Variants in SYT1 observed in about 807,000 individuals in gnomAD.
SYT1 encodes synaptotagmin-1.
SYT1 carries 8 observed loss-of-function variants against 44.8 expected under a neutral mutation model. That is an observed-to-expected ratio of 0.18 (90% CI 0.10 to 0.32). The LOEUF is 0.32. Among genes scored for constraint, SYT1 ranks in the 10% least tolerant of loss-of-function variants. The probability of loss-of-function intolerance (pLI) is 1.00; values close to 1 mark genes in which losing one functional copy is unlikely to be tolerated. For missense variants in SYT1, 286 were observed against 509.3 expected, an observed-to-expected ratio of 0.56 and a Z score of 4.22; for synonymous variants, 154 against 188.8, an observed-to-expected ratio of 0.82 and a Z score of 1.51.
chr12:79,380,456 T>C lies in SYT1; in HGVS notation c.928+26837T>C, dbSNP rs145251240. On this transcript the variant is annotated intron_variant, in intron 9 of 10. Transcript: ENST00000261205. ...ACCCAGGCTGCTGCATCCTAGGTGA[T>C]GTAGCCTGCTACATGATCATAGCTC... Among the ~76,000 whole-genome samples the C allele has an allele frequency of 1.2e-4, 19 of 152,332 alleles. 2 individuals carry two copies. In the East Asian group the frequency reaches 3.5e-3, roughly 28 times the overall value.
chr12:79,179,243 G>GATATATAGAT lies in SYT1; in HGVS notation c.-17-38255_-17-38254insTAGATATATA, dbSNP rs1303341908. On this transcript the variant is annotated intron_variant, in intron 3 of 10. Transcript: ENST00000261205. ...ATATAGATATAGATATAGATATATA[G>GATATATAGAT]ATATAGATATAGATATAGATATATA... Among the ~76,000 whole-genome samples, 5 of 60,594 alleles carry GATATATAGAT rather than the reference G, an allele frequency of 8.3e-5. No individual in the cohort carries two copies. The African/African-American group carries it at 1.1e-3, about 13-fold the overall frequency. 39.8% of individuals were successfully genotyped at this position (60,594 alleles called of 152,430 possible).
chr12:79,235,384 A>T (rs1489851390), intron 4 of SYT1, among the ~76,000 whole-genome samples: 1 of 152,098 alleles, frequency 6.6e-6, no homozygotes. Flanking sequence ...TGTAAAAGTT[A>T]AAACTGTAAA....
intron 4 of SYT1, among the ~76,000 whole-genome samples, chr12:79,280,529 A>G (rs1592926283): frequency 6.6e-6 from 1 of 152,200 alleles, no homozygotes; most frequent in Non-Finnish European, 1.5e-5. Context: ...ACTTAAATGT[A>G]AGACCCAAAA....
chr12:79,202,029 GA>G (rs35997602), intron 3 of SYT1, among the ~76,000 whole-genome samples: 5 of 152,084 alleles, frequency 3.3e-5, no homozygotes, highest in Non-Finnish European at 5.9e-5. Context: ...AATAAAACAT[GA>G]AAAGGCAATT....
intron 1 of SYT1, among the ~76,000 whole-genome samples, chr12:78,901,302 T>C (rs1394090099): frequency 2.0e-5 from 3 of 152,138 alleles, no homozygotes; most frequent in African/African-American, 7.2e-5. Flanking sequence ...AAGAAAGTCT[T>C]CTTCCATGAA....
intron 2 of SYT1, among the ~76,000 whole-genome samples, chr12:79,033,608 T>C (rs768209354): frequency 8.6e-5 from 13 of 151,364 alleles, no homozygotes; most frequent in African/African-American, 3.1e-4. Context: ...GTTTCATCCA[T>C]TGAAGGGGGA....
intron 4 of SYT1, among the ~76,000 whole-genome samples, chr12:79,272,251 TA>T (rs1878467871): frequency 6.6e-6 from 1 of 152,040 alleles, no homozygotes; most frequent in Admixed American, 6.6e-5. Flanking sequence ...CACAAATAAG[TA>T]GGATGGGCTA....
chr12:79,304,705 G>C (rs899287799), intron 8 of SYT1, among the ~76,000 whole-genome samples: 1 of 152,102 alleles, frequency 6.6e-6, no homozygotes, highest in East Asian at 1.9e-4. Flanking sequence ...AAATGGGAAA[G>C]AATTAGTTCT....
At chr12:79,342,833 A>C (rs983650641) in intron 8 of SYT1, among the ~76,000 whole-genome samples, 1 of 152,232 alleles carries the variant, frequency 6.6e-6, no homozygotes, top group African/African-American at 2.4e-5. Flanking sequence ...AGTTTTTGGC[A>C]TTCGAGTCTA....
At chr12:79,237,406 A>C (rs1266571737) in intron 4 of SYT1, among the ~76,000 whole-genome samples, 1 of 152,200 alleles carries the variant, frequency 6.6e-6, no homozygotes, top group Admixed American at 6.5e-5. Flanking sequence ...TCCAGTGATA[A>C]ATTCCTAAAA....
At chr12:79,291,932 G>C in intron 5 of SYT1, 76 bp from the exon 6 acceptor site, 1 of 1,574,834 alleles carries the variant, frequency 6.3e-7, no homozygotes, top group Non-Finnish European at 8.7e-7. Context: ...GCTTGGAAGT[G>C]TAACTACAGG....
At chr12:79,368,022 T>G (rs543253823) in intron 9 of SYT1, among the ~76,000 whole-genome samples, 3 of 151,694 alleles carry the variant, frequency 2.0e-5, no homozygotes, top group Admixed American at 6.6e-5. Flanking sequence ...TCATTTAGCA[T>G]TAGGTATATC....
intron 1 of SYT1, among the ~76,000 whole-genome samples, chr12:78,869,141 C>G (rs1366368695): frequency 6.6e-6 from 1 of 151,736 alleles, no homozygotes; most frequent in Non-Finnish European, 1.5e-5. Context: ...TTTTTTCAGT[C>G]TTTTTGCAAA....
At chr12:78,962,258 G>A (rs866630056) in intron 1 of SYT1, among the ~76,000 whole-genome samples, 151 of 150,960 alleles carry the variant, frequency 1.0e-3, no homozygotes, top group African/African-American at 3.5e-3. Flanking sequence ...TGTTACAAAC[G>A]TTAAATAACT....
At chr12:78,981,599 T>C (rs1869268376) in intron 2 of SYT1, among the ~76,000 whole-genome samples, 1 of 152,104 alleles carries the variant, frequency 6.6e-6, no homozygotes, top group African/African-American at 2.4e-5. Flanking sequence ...ACTAATGGCT[T>C]TATCTCTGAG....
chr12:79,206,965 G>T lies in SYT1; in HGVS notation c.-17-10538G>T, dbSNP rs1874164334. Reference sequence around the variant, plus strand: ...ATCAGATAGCCATACTGGAATCCTGGCTTCACCACTTATTAACTCTGTGAC... The same window carrying T: ...ATCAGATAGCCATACTGGAATCCTGTCTTCACCACTTATTAACTCTGTGAC... On this transcript the variant is annotated intron_variant, in intron 3 of 10. Transcript: ENST00000261205. Among the ~76,000 whole-genome samples the T allele has an allele frequency of 2.0e-5, 3 of 152,298 alleles. 1 individual carries two copies. Among genetic ancestry groups the T allele is most frequent in the Admixed American group, 2.0e-4 (3 of 15,306 alleles).
chr12:78,994,978 T>C (rs555545217), intron 2 of SYT1, among the ~76,000 whole-genome samples: 1 of 152,264 alleles, frequency 6.6e-6, no homozygotes, highest in African/African-American at 2.4e-5. Context: ...CTCCCCAGTC[T>C]ATATGCTGAG....
At chr12:79,399,125 A>AT (rs571191715) in intron 9 of SYT1, among the ~76,000 whole-genome samples, 140 of 152,266 alleles carry the variant, frequency 9.2e-4, no homozygotes, top group Admixed American at 2.6e-3. Context: ...GAATCCTATT[A>AT]TTTCAGTGAC....
intron 3 of SYT1, among the ~76,000 whole-genome samples, chr12:79,203,141 G>A (rs1303894114): frequency 6.6e-6 from 1 of 152,126 alleles, no homozygotes; most frequent in Middle Eastern, 3.4e-3. Flanking sequence ...GTGTATGCTC[G>A]TTTTTGGCAG....
Sources: gnomAD v4.1 joint callset for allele counts (sites outside exome capture counted in the v4.1 genomes callset) on GRCh38, gnomAD v4.1.1 for gene constraint, MANE v1.5 for transcripts, NCBI Gene and HGNC (gene_info 2026-07-23, HGNC 2026-07-21) for gene names.